The following UXS1 variants were observed in gnomAD, a reference collection of about 807,000 sequenced individuals.
UXS1 encodes UDP-glucuronic acid decarboxylase 1.
Under a neutral mutation model 62.6 loss-of-function variants are expected in UXS1, and 33 were observed. That is an observed-to-expected ratio of 0.53 (90% CI 0.40 to 0.70). The LOEUF is 0.70. Ranked by LOEUF, UXS1 falls within the 30% of genes least tolerant of loss-of-function variation. The pLI is 0.00. For missense variants in UXS1, 434 were observed against 556.3 expected (o/e 0.78, Z 2.21); for synonymous variants, 213 against 206.8 (o/e 1.03, Z -0.26).
chr2:106,100,859 C>G, intron 12 of UXS1, 199 bp downstream of exon 12: 1 of 648,838 alleles, frequency 1.5e-6, no homozygotes, highest in Non-Finnish European at 2.6e-6. Context: ...ATCACTCACC[C>G]GTGCCTTGCA....
chr2:106,106,658 G>A (rs1035368966), intron 10 of UXS1, among the ~76,000 whole-genome samples: 2 of 152,132 alleles, frequency 1.3e-5, no homozygotes, highest in African/African-American at 2.4e-5. Context: ...GAAGCAGAGG[G>A]GAATTCCTTG....
intron 1 of UXS1, chr2:106,183,332 A>C (rs1684365247): frequency 6.6e-6 from 1 of 152,114 alleles, no homozygotes; most frequent in Admixed American, 6.6e-5. Flanking sequence ...TTCAATTTCT[A>C]AAAATACTAT....
intron 1 of UXS1, among the ~76,000 whole-genome samples, chr2:106,171,194 T>A (rs544242510): frequency 1.3e-5 from 2 of 152,322 alleles, no homozygotes; most frequent in African/African-American, 4.8e-5. Context: ...AAAATCTAAC[T>A]CATAAAAATT....
chr2:106,157,959 A>G, intron 5 of UXS1, 99 bp downstream of exon 5: 1 of 1,073,202 alleles, frequency 9.3e-7, no homozygotes, highest in Non-Finnish European at 1.4e-6. Context: ...ACTGAATCGT[A>G]TCTTTGAGAA....
chr2:106,154,845 T>C (rs565555583), intron 5 of UXS1, among the ~76,000 whole-genome samples: 167 of 152,320 alleles, frequency 1.1e-3, no homozygotes, highest in African/African-American at 3.2e-3. Context: ...GTTCATTTTG[T>C]GCTGCCATAA....
intron 1 of UXS1, among the ~76,000 whole-genome samples, chr2:106,174,375 G>C (rs1382255814): frequency 6.6e-6 from 1 of 152,250 alleles, no homozygotes; most frequent in African/African-American, 2.4e-5. Context: ...GGACGAGGGA[G>C]GAGGTGAACA....
At chr2:106,123,529 G>A (rs1679694485) in intron 8 of UXS1, among the ~76,000 whole-genome samples, 1 of 152,184 alleles carries the variant, frequency 6.6e-6, no homozygotes, top group African/African-American at 2.4e-5. Context: ...TTTGACATGT[G>A]CCATCAGCAG....
intron 6 of UXS1, among the ~76,000 whole-genome samples, chr2:106,139,117 C>A: frequency 6.6e-6 from 1 of 152,204 alleles, no homozygotes; most frequent in East Asian, 1.9e-4. Context: ...TCAGAGTACA[C>A]CAAGCATGAG....
chr2:106,101,262 A>G, intron 11 of UXS1, 144 bp from the exon 12 acceptor site: 1 of 745,322 alleles, frequency 1.3e-6, no homozygotes. Context: ...TCGAAACAAA[A>G]TCCTACAAAC....
intron 13 of UXS1, chr2:106,097,035 G>A (rs1443528757): frequency 5.9e-6 from 4 of 673,932 alleles, no homozygotes; most frequent in South Asian, 4.5e-5. Context: ...CAAGCTGACT[G>A]TGTGCAGGCG....
intron 1 of UXS1, among the ~76,000 whole-genome samples, chr2:106,190,856 T>TA (rs200337645): frequency 3.9e-4 from 59 of 150,918 alleles, no homozygotes; most frequent in Admixed American, 1.3e-3. Flanking sequence ...ATATGCATGT[T>TA]AAAAAAAAAT....
intron 1 of UXS1, among the ~76,000 whole-genome samples, chr2:106,189,211 G>A (rs1479108940): frequency 2.7e-5 from 4 of 149,216 alleles, no homozygotes; most frequent in Non-Finnish European, 5.9e-5. Flanking sequence ...GGATTGCCAG[G>A]GCACAAAAAA....
At chr2:106,186,280 C>T (rs1208399500) in intron 1 of UXS1, among the ~76,000 whole-genome samples, 1 of 152,134 alleles carries the variant, frequency 6.6e-6, no homozygotes, top group Non-Finnish European at 1.5e-5. Context: ...TTCCAGGGGT[C>T]ACACTGAACA....
chr2:106,164,711 A>G, intron 3 of UXS1, 25 bp downstream of exon 3: 1 of 1,507,998 alleles, frequency 6.6e-7, no homozygotes, highest in Admixed American at 2.0e-5. Flanking sequence ...GATGAAATAG[A>G]TACAAAAATA....
chr2:106,163,820 C>A (rs1341048458), intron 3 of UXS1, 110 bp from the exon 4 acceptor site: 3 of 563,424 alleles, frequency 5.3e-6, no homozygotes, highest in Non-Finnish European at 8.6e-6. Context: ...ATTTCTTCTA[C>A]AAATTAACTT....
chr2:106,179,287 T>C (rs1194927180), intron 1 of UXS1, among the ~76,000 whole-genome samples: 1 of 143,124 alleles, frequency 7.0e-6, no homozygotes, highest in Non-Finnish European at 1.5e-5. Context: ...CTTCAAACCC[T>C]GGCTCTTCCC....
chr2:106,170,342 G>A (rs1375738390), intron 1 of UXS1, among the ~76,000 whole-genome samples: 1 of 152,162 alleles, frequency 6.6e-6, no homozygotes, highest in Non-Finnish European at 1.5e-5. Flanking sequence ...TGGCCCTCCT[G>A]TGTGGCCAAG....
At chr2:106,161,883 C>T (rs906173263) in intron 4 of UXS1, among the ~76,000 whole-genome samples, 1 of 152,126 alleles carries the variant, frequency 6.6e-6, no homozygotes, top group African/African-American at 2.4e-5. Context: ...CAAATATAAC[C>T]TGTAACTTCC....
intron 1 of UXS1, among the ~76,000 whole-genome samples, chr2:106,192,607 T>C (rs986588326): frequency 2.6e-4 from 40 of 151,894 alleles, no homozygotes; most frequent in Non-Finnish European, 3.7e-4. Flanking sequence ...ACTTTATTAA[T>C]TCTAAACCCT....
Sources: gnomAD v4.1 joint callset for allele counts (sites outside exome capture counted in the v4.1 genomes callset) on GRCh38, gnomAD v4.1.1 for gene constraint, MANE v1.5 for transcripts, NCBI Gene and HGNC (gene_info 2026-07-23, HGNC 2026-07-21) for gene names.